EIF4ENIF1: variants seen among roughly 807,000 people sequenced by gnomAD.
EIF4ENIF1 encodes eukaryotic translation initiation factor 4E transporter.
Under a neutral mutation model 110.5 loss-of-function variants are expected in EIF4ENIF1, and 23 were observed. That is an observed-to-expected ratio of 0.21 (90% CI 0.15 to 0.29). The LOEUF (loss-of-function observed/expected upper bound fraction) is 0.29. EIF4ENIF1 is among the 10% of genes least tolerant of loss of function. The pLI is 1.00. For synonymous variants in EIF4ENIF1, 440 were observed against 437.0 expected (o/e 1.01, Z -0.09); for missense variants, 1,031 against 1,221.1 (o/e 0.84, Z 2.32).
chr22:31,488,822 G>A (rs2052144691), intron 1 of EIF4ENIF1, 77 bp from the exon 2 acceptor site: 2 of 1,475,770 alleles, frequency 1.4e-6, no homozygotes, highest in Non-Finnish European at 1.8e-6. Context: ...TTCAGAAGCT[G>A]AAACTTTTTA....
At chr22:31,440,950 T>G (rs1171280316) in intron 17 of EIF4ENIF1, 82 bp from the exon 18 acceptor site, 2 of 1,551,764 alleles carry the variant, frequency 1.3e-6, no homozygotes, top group African/African-American at 2.7e-5. Flanking sequence ...GTTTTGCTGA[T>G]CTGGAAGTTT....
rs1319421555 is a variant in EIF4ENIF1, at chr22:31,454,080, T to C, written c.1512+64A>G. On this transcript the variant is annotated intron_variant, in intron 10 of 18. Transcript: ENST00000330125. ...GAATACCTTTTTAAAAATCCTTTTA[T>C]TGTGGTGGGAAAAAGAAGAAAAAAA... is the stretch of plus-strand genomic sequence containing the variant. 22 of 1,435,906 alleles carry C rather than the reference T, an allele frequency of 1.5e-5. No homozygotes were observed. The African/African-American group carries it at 3.0e-4, about 19-fold the overall frequency. 88.9% of individuals were successfully genotyped at this position (1,435,906 alleles called of 1,614,324 possible). A position where few individuals can be genotyped will look rare whatever the true frequency, so the allele number is the denominator to read the frequency against.
intron 2 of EIF4ENIF1, among the ~76,000 whole-genome samples, chr22:31,484,188 AC>A (rs750131896): frequency 6.6e-6 from 1 of 152,002 alleles, no homozygotes; most frequent in Admixed American, 6.6e-5. Context: ...CTTCAGGACC[AC>A]CCCTGCTTAC....
At chr22:31,475,807 C>A (rs1378532970) in intron 2 of EIF4ENIF1, among the ~76,000 whole-genome samples, 2 of 151,544 alleles carry the variant, frequency 1.3e-5, no homozygotes, top group African/African-American at 2.4e-5. Context: ...GTCAAGGCTG[C>A]AGCGATCGCA....
At chr22:31,488,811 C>T in intron 1 of EIF4ENIF1, 66 bp from the exon 2 acceptor site, 1 of 1,503,428 alleles carries the variant, frequency 6.7e-7, no homozygotes, top group Non-Finnish European at 8.8e-7. Context: ...TTGGCTGTTT[C>T]TTCAGAAGCT....
At position 31,458,545 on chromosome 22, in the gene EIF4ENIF1, G is replaced by T. The variant is rs200277467; in HGVS notation, c.893C>A (p.Pro298His). Reference protein sequence around the residue: ...DQEVPRDAVLPEQSPGDFDFN... With the variant: ...DQEVPRDAVLHEQSPGDFDFN... The stretch of plus-strand genomic sequence containing the variant: ...GTCAAAGTCTCCTGGGGACTGCTCA[G>T]GCAAGACAGCATCCCTTGGCACTTC... The change falls in exon 7 of 19, where the codon CCT (proline) becomes CAT (histidine). Residue 298 changes from proline to histidine, a missense_variant. Physicochemically the swap from Pro to His is moderately conservative, Grantham distance 77 (BLOSUM62 -2). Coordinates refer to ENST00000330125, the MANE Select transcript of EIF4ENIF1 (RefSeq NM_019843.4). 6.2e-7 allele frequency: 1 copy of T among 1,613,808 alleles called. No individual in the cohort carries two copies. The highest frequency in any genetic ancestry group is 1.7e-5 in the Admixed American group (1 of 60,006).
rs755372166 is a variant in EIF4ENIF1 at position 31,449,467 on chromosome 22, C to T, written c.1649G>A (p.Ser550Asn). 1.2e-5 allele frequency: 20 copies of T among 1,614,012 alleles called. No individual in the cohort carries two copies. Among genetic ancestry groups the T allele is most frequent in the Non-Finnish European group, 1.6e-5 (19 of 1,180,024 alleles). The change falls in exon 12 of 19, where the codon AGC (serine) becomes AAC (asparagine). Residue 550 changes from serine (S) to asparagine (N), a missense_variant. By Grantham distance (46) the Ser-to-Asn change is conservative (BLOSUM62 1). Around this residue, in one of 3 missense-constraint regions of EIF4ENIF1, gnomAD observed 704 missense variants for 879.7 expected, o/e 0.80. Transcript: ENST00000330125. ...SSNLLSGLMG[S>N]LEPTTSLLGQ... Reference sequence around the variant, plus strand: ...CAGTAAAGATGTTGTAGGCTCCAAGCTCCCCATAAGGCCACTCAGAAGATT... The same window carrying T: ...CAGTAAAGATGTTGTAGGCTCCAAGTTCCCCATAAGGCCACTCAGAAGATT...
intron 3 of EIF4ENIF1, among the ~76,000 whole-genome samples, chr22:31,471,262 T>A (rs1286109310): frequency 3.3e-5 from 5 of 150,022 alleles, no homozygotes; most frequent in Non-Finnish European, 7.4e-5. Context: ...CAAAGTACAG[T>A]GCAAAAAACC....
rs200160058 is a variant in EIF4ENIF1 at position 31,482,691 on chromosome 22, C to CA, written c.96+5931dup. ...AGTGAGACGCGGTCTCAAAAACAAA[C>CA]AAAAAAAAACAGATTAGTCTATTCA... On this transcript the variant is annotated intron_variant, in intron 2 of 18. Transcript: ENST00000330125. 6.1e-3 allele frequency among the ~76,000 whole-genome samples: 883 copies of CA among 144,750 alleles called. 12 individuals are homozygous for CA. The highest frequency in any genetic ancestry group is 0.019 in the African/African-American group (756 of 39,166). 95.0% of individuals were successfully genotyped at this position (144,750 alleles called of 152,430 possible).
At chr22:31,445,961 C>G (rs868442270) in intron 14 of EIF4ENIF1, among the ~76,000 whole-genome samples, 19 of 148,354 alleles carry the variant, frequency 1.3e-4, no homozygotes, top group South Asian at 4.6e-4. Context: ...CCGCCCCCCC[C>G]CCCCATCTAC....
chr22:31,453,415 C>A, intron 10 of EIF4ENIF1: 1 of 376,816 alleles, frequency 2.7e-6, no homozygotes, highest in South Asian at 2.0e-5. Context: ...CACTCTGTTG[C>A]CCAGCCTGGA....
intron 4 of EIF4ENIF1, among the ~76,000 whole-genome samples, chr22:31,464,586 G>A (rs931373904): frequency 2.7e-5 from 4 of 145,972 alleles, no homozygotes; most frequent in Non-Finnish European, 6.0e-5. Flanking sequence ...GCTGAGGCAG[G>A]AGAATCGCTT....
In EIF4ENIF1 at chr22:31,471,013, G is replaced by T. The variant is rs145342461; in HGVS notation, c.170+831C>A. Among the ~76,000 whole-genome samples the T allele has an allele frequency of 6.0e-3, 890 of 147,378 alleles. 8 individuals carry two copies. Among genetic ancestry groups the T allele is most frequent in the African/African-American group, 0.02 (783 of 39,832 alleles). ...GGCAAAAAGAGTGAAACTCTGTCTC[G>T]GACAAAAAAAAAAAAAGAAAAGAAA... is the stretch of plus-strand genomic sequence containing the variant. On this transcript the variant is annotated intron_variant, in intron 3 of 18. Coordinates refer to ENST00000330125, the MANE Select transcript of EIF4ENIF1 (RefSeq NM_019843.4).
chr22:31,447,033 A>G (rs1269558406), intron 14 of EIF4ENIF1: 3 of 462,800 alleles, frequency 6.5e-6, no homozygotes, highest in Admixed American at 5.1e-5. Context: ...ATAAGGAGCT[A>G]TGCTAGTTTC....
rs761817191 is a variant in EIF4ENIF1, at chr22:31,439,829, T to C, written c.*51A>G. 4 of 1,598,404 alleles carry C rather than the reference T, an allele frequency of 2.5e-6. No homozygotes were observed. The highest frequency in any genetic ancestry group is 2.5e-6 in the Non-Finnish European group (3 of 1,177,228). On this transcript the variant is annotated 3_prime_UTR_variant, in exon 19 of 19. Transcript: ENST00000330125. ...ACCAACCCGAGATGAAGCAGGGTCCTGCCCAGTGTGCCACCACAGGTCCGG... is the reference window on the plus strand; with the variant it reads ...ACCAACCCGAGATGAAGCAGGGTCCCGCCCAGTGTGCCACCACAGGTCCGG...
At position 31,454,153 on chromosome 22, in the gene EIF4ENIF1, G is replaced by A; in HGVS notation, c.1503C>T (p.Pro501=). 6.2e-7 allele frequency: 1 copy of A among 1,614,072 alleles called. No individual in the cohort carries two copies. The change falls in exon 10 of 19, where the codon CCC becomes CCT. Residue 501 remains proline, a synonymous_variant. Coordinates refer to ENST00000330125, the MANE Select transcript of EIF4ENIF1 (RefSeq NM_019843.4). ...MKASGTLPSQ[P]KVSRNLESHL... Reference sequence around the variant, plus strand: ...TGTGTCAGATACTTACGCTGACTTTGGGCTGAGAAGGCAAAGTCCCACTTG... The same window carrying A: ...TGTGTCAGATACTTACGCTGACTTTAGGCTGAGAAGGCAAAGTCCCACTTG...
At chr22:31,447,797 A>C (rs1374281212) in intron 13 of EIF4ENIF1, among the ~76,000 whole-genome samples, 1 of 152,054 alleles carries the variant, frequency 6.6e-6, no homozygotes, top group Admixed American at 6.6e-5. Flanking sequence ...ATAGATCAAA[A>C]CCATTTCTTT....
At chr22:31,482,233 C>T (rs141167216) in intron 2 of EIF4ENIF1, among the ~76,000 whole-genome samples, 27 of 151,812 alleles carry the variant, frequency 1.8e-4, no homozygotes, top group East Asian at 1.2e-3. Flanking sequence ...AACTTTAATA[C>T]GCATGTTTAA....
intron 9 of EIF4ENIF1, among the ~76,000 whole-genome samples, chr22:31,454,832 G>T (rs528099972): frequency 1.1e-4 from 16 of 152,140 alleles, no homozygotes; most frequent in Admixed American, 1.0e-3. Flanking sequence ...TGAGGAAATG[G>T]TAAGTTATGC....
Sources: allele counts gnomAD v4.1 joint callset (sites outside exome capture counted in the v4.1 genomes callset), GRCh38; gene constraint gnomAD v4.1.1; regional missense constraint gnomAD v4.1.1; transcripts MANE v1.5; gene names NCBI Gene and HGNC (gene_info 2026-07-23, HGNC 2026-07-21).